The following PACRG variants were observed in gnomAD, a reference collection of about 807,000 sequenced individuals.
PACRG encodes the protein parkin coregulated.
PACRG carries 29 observed loss-of-function variants against 29.7 expected under a neutral mutation model. The ratio of observed to expected loss-of-function variants is 0.98; its 90% CI spans 0.73 to 1.33. The LOEUF (loss-of-function observed/expected upper bound fraction) is 1.33, where lower values mean the gene tolerates loss of function less well. PACRG is among the 40% of genes most tolerant of loss of function. The pLI is 0.00. For missense variants in PACRG, 279 were observed against 316.2 expected (o/e 0.88, Z 0.89); for synonymous variants, 116 against 118.7 (o/e 0.98, Z 0.15).
In PACRG at chr6:163,262,859, T is replaced by C. The variant is rs1441954525; in HGVS notation, c.614-51968T>C. 4.8e-5 allele frequency among the ~76,000 whole-genome samples: 7 copies of C among 144,578 alleles called. No homozygotes were observed. In the Admixed American group the frequency reaches 4.9e-4, roughly 10 times the overall value. 94.8% of individuals were successfully genotyped at this position (144,578 alleles called of 152,430 possible). On this transcript the variant is annotated intron_variant, in intron 4 of 4. Transcript: ENST00000366888. ...AAGTTCAAGACTAGCCTGGGCAACA[T>C]AGTGAGACCCCCCCCCCCATGTCAA...
At chr6:162,902,766 GTT>G (rs1354659823) in intron 2 of PACRG, among the ~76,000 whole-genome samples, 1 of 152,124 alleles carries the variant, frequency 6.6e-6, no homozygotes, top group Non-Finnish European at 1.5e-5. Flanking sequence ...TCATCCTATA[GTT>G]TAGTATTTGG....
chr6:162,734,662 C>T (rs1780024750), intron 1 of PACRG, among the ~76,000 whole-genome samples: 1 of 152,002 alleles, frequency 6.6e-6, no homozygotes, highest in Non-Finnish European at 1.5e-5. Flanking sequence ...TGTGTTTTTC[C>T]ACTTAATGTA....
intron 1 of PACRG, among the ~76,000 whole-genome samples, chr6:162,757,623 G>A (rs140005829): frequency 4.6e-5 from 7 of 152,138 alleles, no homozygotes; most frequent in Admixed American, 6.5e-5. Context: ...CAGGAGAATC[G>A]CTTGAACCTG....
chr6:162,845,623 C>T (rs969575281), intron 2 of PACRG, among the ~76,000 whole-genome samples: 1 of 152,132 alleles, frequency 6.6e-6, no homozygotes, highest in Non-Finnish European at 1.5e-5. Context: ...TTGCTGTCAC[C>T]TTTAATATTT....
intron 2 of PACRG, among the ~76,000 whole-genome samples, chr6:162,862,720 C>T (rs1216596201): frequency 6.6e-6 from 1 of 152,090 alleles, no homozygotes; most frequent in East Asian, 1.9e-4. Flanking sequence ...TGCTGTAAAC[C>T]CTAGAGTAAG....
chr6:162,854,304 A>G (rs977527017), intron 2 of PACRG, among the ~76,000 whole-genome samples: 2 of 148,000 alleles, frequency 1.4e-5, no homozygotes, highest in African/African-American at 5.2e-5. Context: ...TTTATTTGTG[A>G]AAGTCCATGA....
rs891902996 is a variant in PACRG, at chr6:162,853,384, G to A, written c.291+39103G>A. Reference sequence around the variant, plus strand: ...TGGTTGAACCACTGACTTACCGTACGTTTTAACTTTCCTGATATCCTACCA... The same window carrying A: ...TGGTTGAACCACTGACTTACCGTACATTTTAACTTTCCTGATATCCTACCA... On this transcript the variant is annotated intron_variant, in intron 2 of 4. Coordinates refer to ENST00000366888, the MANE Select transcript of PACRG (RefSeq NM_001080379.2). The surrounding 1 kb of genome is among the most constrained non-coding windows in gnomAD (Gnocchi z 4.7). Among the ~76,000 whole-genome samples the A allele has an allele frequency of 5.9e-5, 9 of 152,212 alleles. No homozygotes were observed. Among genetic ancestry groups the A allele is most frequent in the South Asian group, 2.1e-4 (1 of 4,810 alleles).
chr6:162,852,294 C>T (rs9456815), intron 2 of PACRG, among the ~76,000 whole-genome samples: 37,318 of 152,136 alleles, frequency 0.25, 5,704 homozygotes, highest in African/African-American at 0.41. Flanking sequence ...TATTCCTATG[C>T]GTCCAGGGTC....
intron 4 of PACRG, among the ~76,000 whole-genome samples, chr6:163,301,079 G>T (rs1035128908): frequency 6.6e-6 from 1 of 150,804 alleles, no homozygotes; most frequent in Non-Finnish European, 1.5e-5. Context: ...CTTCCCGTGA[G>T]TTTAGTAGGG....
At chr6:163,282,756 G>T (rs141644941) in intron 4 of PACRG, among the ~76,000 whole-genome samples, 112 of 151,836 alleles carry the variant, frequency 7.4e-4, no homozygotes, top group African/African-American at 2.5e-3. Context: ...AAAGGTTTTG[G>T]ATTTAGCCAT....
At chr6:163,046,301 T>C (rs1246862215) in intron 2 of PACRG, among the ~76,000 whole-genome samples, 1 of 129,402 alleles carries the variant, frequency 7.7e-6, no homozygotes, top group Non-Finnish European at 1.7e-5. Context: ...CTCCTTTCTC[T>C]TAACCAGAGC....
intron 2 of PACRG, among the ~76,000 whole-genome samples, chr6:162,891,417 C>A (rs2128040233): frequency 6.6e-6 from 1 of 152,224 alleles, no homozygotes; most frequent in East Asian, 1.9e-4. Flanking sequence ...GTGGGACCCA[C>A]AATTCATAGA....
chr6:163,305,499 T>G (rs1168316105), intron 4 of PACRG, among the ~76,000 whole-genome samples: 1 of 152,208 alleles, frequency 6.6e-6, no homozygotes, highest in East Asian at 1.9e-4. Flanking sequence ...CTTGTATTCA[T>G]GAAAGCCTTA....
chr6:162,959,486 G>A (rs927790856), intron 2 of PACRG, among the ~76,000 whole-genome samples: 1 of 152,264 alleles, frequency 6.6e-6, no homozygotes, highest in Admixed American at 6.5e-5. Context: ...CCAGCATGGA[G>A]TCACTGCTGG....
intron 2 of PACRG, among the ~76,000 whole-genome samples, chr6:162,943,689 C>T (rs2128122103): frequency 6.6e-6 from 1 of 152,266 alleles, no homozygotes. Flanking sequence ...AGCTCGCCGT[C>T]TGGGTACCTG....
At chr6:163,168,025 T>C (rs1778896629) in intron 4 of PACRG, among the ~76,000 whole-genome samples, 3 of 152,228 alleles carry the variant, frequency 2.0e-5, no homozygotes, top group Admixed American at 2.0e-4. Context: ...CAATTGATTG[T>C]ATGTATTTTC....
chr6:163,312,479 C>A (rs1487852777), intron 4 of PACRG, among the ~76,000 whole-genome samples: 1 of 151,988 alleles, frequency 6.6e-6, no homozygotes, highest in African/African-American at 2.4e-5. Context: ...CCTCCTCTCT[C>A]AATCCAACTC....
chr6:163,208,412 CT>C (rs5881514), intron 4 of PACRG, among the ~76,000 whole-genome samples: 64,172 of 151,024 alleles, frequency 0.42, 14,830 homozygotes, highest in African/African-American at 0.63. Context: ...CTACATTTTA[CT>C]TTTTTTAAAA....
intron 4 of PACRG, among the ~76,000 whole-genome samples, chr6:163,224,495 C>A (rs1781710971): frequency 6.6e-6 from 1 of 150,830 alleles, no homozygotes; most frequent in South Asian, 2.1e-4. Context: ...ACATGTAGAC[C>A]AAATAGAACA....
Sources: gnomAD v4.1 joint callset for allele counts (sites outside exome capture counted in the v4.1 genomes callset) on GRCh38, gnomAD v4.1.1 for gene constraint, Gnocchi (gnomAD v3.1) non-coding constraint, MANE v1.5 for transcripts, NCBI Gene and HGNC (gene_info 2026-07-23, HGNC 2026-07-21) for gene names.